ODAD2: variants seen among roughly 807,000 people sequenced by gnomAD.
ODAD2 encodes the protein outer dynein arm-docking complex subunit 2.
ODAD2 carries 89 observed loss-of-function variants against 106.8 expected under a neutral mutation model. That is an observed-to-expected ratio of 0.83 (90% CI 0.70 to 0.99). ODAD2 has a LOEUF of 0.99. ODAD2 is among the 50% of genes least tolerant of loss of function. ODAD2 has a pLI of 0.00. For synonymous variants in ODAD2, 404 were observed against 436.2 expected (o/e 0.93, Z 0.92); for missense variants, 1,168 against 1,238.5 (o/e 0.94, Z 0.85).
chr10:27,925,621 G>A (rs1330469860), intron 16 of ODAD2, among the ~76,000 whole-genome samples: 6 of 152,154 alleles, frequency 3.9e-5, no homozygotes, highest in African/African-American at 1.4e-4. Flanking sequence ...GCCTTCCAAA[G>A]TGCTGGGATT....
chr10:27,870,392 A>C (rs1840774228), intron 17 of ODAD2, among the ~76,000 whole-genome samples: 1 of 152,042 alleles, frequency 6.6e-6, no homozygotes, highest in South Asian at 2.1e-4. Flanking sequence ...TCTAGGGTAC[A>C]TGTGCTCAAC....
At chr10:27,853,390 A>ATAAATAAC (rs774313479) in intron 19 of ODAD2, 1 of 281,754 alleles carries the variant, frequency 3.5e-6, no homozygotes, top group South Asian at 3.5e-5. Context: ...AAATAAATAA[A>ATAAATAAC]TAAAAGTAAG....
chr10:27,862,044 G>T (rs1290157715), intron 18 of ODAD2, among the ~76,000 whole-genome samples: 2 of 152,128 alleles, frequency 1.3e-5, no homozygotes, highest in Non-Finnish European at 2.9e-5. Flanking sequence ...GAATGCCATC[G>T]ACTGAAGCTT....
chr10:27,870,553 G>A (rs1036712193), intron 17 of ODAD2, among the ~76,000 whole-genome samples: 1 of 151,684 alleles, frequency 6.6e-6, no homozygotes, highest in Admixed American at 6.6e-5. Context: ...CCCTTCCTGT[G>A]TCCAAGTGTT....
chr10:27,853,395 A>AAATAAATAAAT (rs766142892), intron 19 of ODAD2: 16 of 167,568 alleles, frequency 9.5e-5, no homozygotes, highest in African/African-American at 5.5e-4. Flanking sequence ...AATAAATAAA[A>AAATAAATAAAT]GTAAGCCCTA....
At chr10:27,882,221 G>GAAAGA (rs1554799092) in intron 17 of ODAD2, among the ~76,000 whole-genome samples, 6 of 150,848 alleles carry the variant, frequency 4.0e-5, no homozygotes, top group African/African-American at 1.5e-4. Flanking sequence ...AAGAAAGAAA[G>GAAAGA]AAAGAAAGAA....
At chr10:27,817,528 T>C (rs796520253) in intron 19 of ODAD2, among the ~76,000 whole-genome samples, 13 of 152,258 alleles carry the variant, frequency 8.5e-5, no homozygotes, top group African/African-American at 3.1e-4. Context: ...GGGTCTCCAA[T>C]GTCTATTATT....
intron 17 of ODAD2, among the ~76,000 whole-genome samples, chr10:27,901,924 G>A (rs1336910540): frequency 5.9e-5 from 9 of 151,946 alleles, no homozygotes; most frequent in African/African-American, 9.7e-5. Context: ...AAGGATATTC[G>A]GGACTTGAAC....
chr10:27,885,801 T>TAAAATATATATTATATATAATATATAA, intron 17 of ODAD2, among the ~76,000 whole-genome samples: 1 of 90,524 alleles, frequency 1.1e-5, no homozygotes, highest in Non-Finnish European at 2.0e-5. Flanking sequence ...ATAATATATA[T>TAAAATATATATTATATATAATATATAA]AAAATATATA....
intron 2 of ODAD2, among the ~76,000 whole-genome samples, chr10:27,992,600 G>A (rs1850296474): frequency 6.6e-6 from 1 of 152,106 alleles, no homozygotes; most frequent in South Asian, 2.1e-4. Flanking sequence ...TGAGGTGGGA[G>A]GATCCATGGA....
intron 12 of ODAD2, among the ~76,000 whole-genome samples, chr10:27,942,686 T>C (rs1846542510): frequency 6.6e-6 from 1 of 152,204 alleles, no homozygotes; most frequent in Non-Finnish European, 1.5e-5. Context: ...ATAATTAAAT[T>C]TTCTGTAACA....
intron 17 of ODAD2, among the ~76,000 whole-genome samples, chr10:27,900,698 G>A (rs11006766): frequency 0.66 from 100,773 of 151,932 alleles, 33,750 homozygotes; most frequent in Middle Eastern, 0.74. Flanking sequence ...TCGATCAGGC[G>A]GAAGAAAGGT....
intron 14 of ODAD2, among the ~76,000 whole-genome samples, chr10:27,939,363 T>G (rs926782888): frequency 1.3e-5 from 2 of 152,132 alleles, no homozygotes; most frequent in Admixed American, 1.3e-4. Context: ...ACAAGTTATC[T>G]GCCATTACCA....
At chr10:27,887,456 CA>C (rs1358062798) in intron 17 of ODAD2, among the ~76,000 whole-genome samples, 3 of 151,914 alleles carry the variant, frequency 2.0e-5, no homozygotes, top group Non-Finnish European at 4.4e-5. Context: ...TAGAAGACTT[CA>C]AAACACTATA....
At position 27,971,314 on chromosome 10, in the gene ODAD2, CT is replaced by C. The variant is rs1251788758; in HGVS notation, c.937-2del. The C allele has an allele frequency of 6.3e-7, 1 of 1,581,174 alleles. No individual in the cohort carries two copies. The highest frequency in any genetic ancestry group is 8.6e-7 in the Non-Finnish European group (1 of 1,169,484). On this transcript the variant is annotated splice_acceptor_variant, in intron 7 of 19. Transcript: ENST00000305242. LOFTEE classifies it high-confidence loss of function. ...GCTGGTCTTCACTGAAGCTAATTCC[CT>C]TTATTTAAAAAATGAGAATAATTTT...
intron 2 of ODAD2, among the ~76,000 whole-genome samples, chr10:27,990,726 T>A (rs548185558): frequency 5.9e-5 from 9 of 152,306 alleles, no homozygotes; most frequent in African/African-American, 2.2e-4. Context: ...TTTCATGATA[T>A]CGATCACAAA....
chr10:27,825,342 G>T (rs1189383326), intron 19 of ODAD2, among the ~76,000 whole-genome samples: 1 of 152,166 alleles, frequency 6.6e-6, no homozygotes, highest in Admixed American at 6.5e-5. Flanking sequence ...AAACAAAAAT[G>T]CTCAGATTCA....
intron 10 of ODAD2, among the ~76,000 whole-genome samples, chr10:27,951,076 A>T (rs1847298106): frequency 6.6e-6 from 1 of 152,208 alleles, no homozygotes. Context: ...TTTTAGATAC[A>T]CATGGAAAAA....
intron 19 of ODAD2, among the ~76,000 whole-genome samples, chr10:27,816,835 G>A (rs562097165): frequency 1.3e-5 from 2 of 152,162 alleles, no homozygotes; most frequent in African/African-American, 2.4e-5. Context: ...TGCAACCTCC[G>A]TCCCCTGGGG....
Sources: gnomAD v4.1 joint callset for allele counts (sites outside exome capture counted in the v4.1 genomes callset) on GRCh38, gnomAD v4.1.1 for gene constraint, MANE v1.5 for transcripts, NCBI Gene and HGNC (gene_info 2026-07-23, HGNC 2026-07-21) for gene names.